DNAJC16: variants seen among roughly 807,000 people sequenced by gnomAD.
DNAJC16 encodes the protein DnaJ heat shock protein family (Hsp40) member C16.
A neutral mutation model predicts 92.7 loss-of-function variants in DNAJC16; 76 were observed. The observed-to-expected ratio is 0.82, with a 90% CI of 0.68 to 0.99. The LOEUF (loss-of-function observed/expected upper bound fraction) is 0.99. Among genes scored for constraint, DNAJC16 ranks in the 50% least tolerant of loss-of-function variants. The pLI is 0.00. For missense variants in DNAJC16, 869 were observed against 942.4 expected (o/e 0.92, Z 1.02); for synonymous variants, 328 against 358.7 (o/e 0.91, Z 0.97).
intron 3 of DNAJC16, among the ~76,000 whole-genome samples, chr1:15,535,822 T>TG: frequency 6.6e-6 from 1 of 151,862 alleles, no homozygotes; most frequent in Non-Finnish European, 1.5e-5. Context: ...AGTACAGTGA[T>TG]GCGATCACAG....
At chr1:15,527,639 A>G (rs990050576) in intron 1 of DNAJC16, among the ~76,000 whole-genome samples, 3 of 152,212 alleles carry the variant, frequency 2.0e-5, no homozygotes, top group Non-Finnish European at 2.9e-5. Flanking sequence ...TTTCTAGGAT[A>G]TAATAGGTTG....
chr1:15,532,952 GT>G (rs2103402990), intron 2 of DNAJC16, among the ~76,000 whole-genome samples: 1 of 152,266 alleles, frequency 6.6e-6, no homozygotes, highest in African/African-American at 2.4e-5. Flanking sequence ...CCATTAAGTT[GT>G]AGATTTTTTT....
chr1:15,562,462 CTTTTG>C (rs1638712785), intron 9 of DNAJC16, 137 bp downstream of exon 9: 1 of 953,360 alleles, frequency 1.0e-6, no homozygotes, highest in Non-Finnish European at 1.5e-6. Context: ...AAAGTCTACT[CTTTTG>C]TTTTTCCTTT....
chr1:15,537,976 C>T (rs917723500), intron 4 of DNAJC16, among the ~76,000 whole-genome samples: 7 of 152,202 alleles, frequency 4.6e-5, no homozygotes, highest in African/African-American at 1.7e-4. Flanking sequence ...AAGGTGCAGG[C>T]AGAGCTACCA....
chr1:15,547,048 T>C (rs1638326046), intron 6 of DNAJC16, among the ~76,000 whole-genome samples, 177 bp downstream of exon 6: 3 of 151,986 alleles, frequency 2.0e-5, no homozygotes, highest in African/African-American at 4.8e-5. Context: ...CCATCATACA[T>C]TGAGTACTGA....
chr1:15,568,131 G>A lies in DNAJC16; in HGVS notation c.2303G>A (p.Gly768Asp), dbSNP rs1191376577. The A allele has an allele frequency of 1.2e-6, 2 of 1,613,956 alleles. No homozygotes were observed. Residue 768 changes from glycine to aspartate, a missense_variant, in exon 15 of 15, where the codon GGC (glycine) becomes GAC (aspartate). Physicochemically the swap from Gly to Asp is moderately conservative, Grantham distance 94 (BLOSUM62 -1). Coordinates refer to ENST00000375847, the MANE Select transcript of DNAJC16 (RefSeq NM_015291.4). ...TTATGGATGGAACGCCTGCTGGAGG[G>A]CTCCTTACAGAGGTTTTATATCCCA... ...LSLWMERLLE[G>D]SLQRFYIPSW...
At chr1:15,565,261 A>C (rs1234648231) in intron 11 of DNAJC16, 3 of 152,732 alleles carry the variant, frequency 2.0e-5, no homozygotes, top group Non-Finnish European at 4.4e-5. Flanking sequence ...GGTGCCCAGC[A>C]CAGGGCCTGA....
chr1:15,562,057 C>T (rs926983014), intron 8 of DNAJC16, 85 bp from the exon 9 acceptor site: 53 of 1,394,178 alleles, frequency 3.8e-5, no homozygotes, highest in Admixed American at 6.1e-5. Flanking sequence ...ATGAGCTCCT[C>T]GTCTTCTTCA....
intron 13 of DNAJC16, 118 bp downstream of exon 13, chr1:15,566,298 A>C: frequency 1.2e-6 from 1 of 807,050 alleles, no homozygotes; most frequent in Non-Finnish European, 1.9e-6. Flanking sequence ...ACCTCCTCCC[A>C]TGTAAACTGT....
At chr1:15,547,529 G>A (rs887874258) in intron 6 of DNAJC16, among the ~76,000 whole-genome samples, 9 of 150,358 alleles carry the variant, frequency 6.0e-5, no homozygotes, top group Middle Eastern at 7.0e-3. Context: ...TGCAACCTCC[G>A]CCTACCGGGT....
intron 4 of DNAJC16, among the ~76,000 whole-genome samples, chr1:15,542,693 G>A (rs774624360): frequency 1.7e-4 from 26 of 152,214 alleles, no homozygotes; most frequent in Non-Finnish European, 3.5e-4. Flanking sequence ...TCACCTGCAG[G>A]ACCTGATGCT....
At chr1:15,544,681 G>T in intron 5 of DNAJC16, 98 bp downstream of exon 5, 1 of 1,201,664 alleles carries the variant, frequency 8.3e-7, no homozygotes, top group Non-Finnish European at 1.2e-6. Flanking sequence ...TCTCAAACCT[G>T]AGTTTCATTG....
chr1:15,555,544 G>A (rs1403478695), intron 7 of DNAJC16, among the ~76,000 whole-genome samples: 1 of 150,124 alleles, frequency 6.7e-6, no homozygotes, highest in African/African-American at 2.5e-5. Flanking sequence ...TTACCTGGGC[G>A]CGGTGGTAGA....
chr1:15,531,312 A>T (rs1557567842), intron 2 of DNAJC16, among the ~76,000 whole-genome samples: 1 of 152,198 alleles, frequency 6.6e-6, no homozygotes, highest in Non-Finnish European at 1.5e-5. Flanking sequence ...AAAGGTAAAG[A>T]TCATTGAAAA....
At chr1:15,530,702 T>G (rs1298487032) in intron 2 of DNAJC16, among the ~76,000 whole-genome samples, 1 of 152,226 alleles carries the variant, frequency 6.6e-6, no homozygotes, top group Non-Finnish European at 1.5e-5. Flanking sequence ...TCTCTTTTTT[T>G]TTTGAGACGG....
rs182934920 is a variant in DNAJC16, at chr1:15,543,086, C to T, written c.575-1313C>T. Among the ~76,000 whole-genome samples, 5 of 152,278 alleles carry T rather than the reference C, an allele frequency of 3.3e-5. No individual in the cohort carries two copies. In the South Asian group the frequency reaches 8.3e-4, roughly 25 times the overall value. ...CTCCTACTATGTGCCAGGCTCTGGT[C>T]TGGTGTTGGGGATACATCAGTGGAC... On this transcript the variant is annotated intron_variant, in intron 4 of 14. Transcript: ENST00000375847.
chr1:15,537,830 G>T (rs1453939928), intron 4 of DNAJC16, among the ~76,000 whole-genome samples: 1 of 152,160 alleles, frequency 6.6e-6, no homozygotes, highest in East Asian at 1.9e-4. Context: ...TCAGTATTGG[G>T]TTGGACCCAG....
chr1:15,548,162 A>T (rs1259600587), intron 6 of DNAJC16, 108 bp from the exon 7 acceptor site: 1 of 1,063,458 alleles, frequency 9.4e-7, no homozygotes, highest in Non-Finnish European at 1.4e-6. Flanking sequence ...GGAGCTGTGT[A>T]AGCTGGCATG....
At chr1:15,529,940 A>G (rs191415467) in intron 2 of DNAJC16, among the ~76,000 whole-genome samples, 61 of 152,296 alleles carry the variant, frequency 4.0e-4, no homozygotes, top group African/African-American at 1.3e-3. Context: ...CTGCTGTGCA[A>G]ATGGTTGTTA....
Sources: allele counts gnomAD v4.1 joint callset (sites outside exome capture counted in the v4.1 genomes callset), GRCh38; gene constraint gnomAD v4.1.1; transcripts MANE v1.5; gene names NCBI Gene and HGNC (gene_info 2026-07-23, HGNC 2026-07-21).